The following MRPS6 variants were observed in gnomAD, a reference collection of about 807,000 sequenced individuals.
MRPS6 encodes the protein small ribosomal subunit protein bS6m.
A neutral mutation model predicts 13.1 loss-of-function variants in MRPS6; 6 were observed. The observed-to-expected ratio is 0.46, with a 90% confidence interval of 0.25 to 0.91. The LOEUF (loss-of-function observed/expected upper bound fraction) is 0.91, where lower values mean the gene tolerates loss of function less well. Among genes scored for constraint, MRPS6 ranks in the 40% least tolerant of loss-of-function variants. The pLI is 0.18. For synonymous variants in MRPS6, 61 were observed against 56.5 expected (o/e 1.08, Z -0.36); for missense variants, 164 against 155.6 (o/e 1.05, Z -0.29).
intron 1 of MRPS6, chr21:34,098,233 T>C (rs1392062187): frequency 1.0e-6 from 1 of 999,542 alleles, no homozygotes; most frequent in Non-Finnish European, 1.2e-6. Context: ...ATTACTCATA[T>C]ATTCTGCTAA....
chr21:34,134,973 T>C (rs1377468717), intron 2 of MRPS6, among the ~76,000 whole-genome samples: 1 of 152,244 alleles, frequency 6.6e-6, no homozygotes, highest in Non-Finnish European at 1.5e-5. Context: ...ATTTACGGGT[T>C]TATCGAAATG....
chr21:34,100,696 T>C, intron 1 of MRPS6: 1 of 1,000,242 alleles, frequency 1.0e-6, no homozygotes, highest in South Asian at 4.7e-5. Context: ...CTTCTGTAAC[T>C]TGAGGCTAAG....
At chr21:34,138,591 C>T (rs1348439751) in intron 2 of MRPS6, among the ~76,000 whole-genome samples, 4 of 151,906 alleles carry the variant, frequency 2.6e-5, no homozygotes, top group Non-Finnish European at 5.9e-5. Context: ...AAAAAATGCT[C>T]ACCATCACTG....
intron 1 of MRPS6, among the ~76,000 whole-genome samples, chr21:34,108,100 C>T (rs1485954115): frequency 4.6e-5 from 7 of 152,060 alleles, no homozygotes; most frequent in Admixed American, 1.3e-4. Flanking sequence ...TGTAACGTAC[C>T]GTAACACGTT....
chr21:34,098,576 T>C (rs545021856), intron 1 of MRPS6: 1 of 1,000,294 alleles, frequency 1.0e-6, no homozygotes, highest in East Asian at 1.1e-4. Flanking sequence ...AACAGAAAAC[T>C]CAGTGCATAC....
chr21:34,097,890 A>G, intron 1 of MRPS6: 1 of 997,512 alleles, frequency 1.0e-6, no homozygotes, highest in Non-Finnish European at 1.2e-6. Flanking sequence ...TTTTGTTAGC[A>G]TGAGCCTACG....
chr21:34,137,324 T>A (rs999895983), intron 2 of MRPS6, among the ~76,000 whole-genome samples: 1 of 152,212 alleles, frequency 6.6e-6, no homozygotes, highest in Non-Finnish European at 1.5e-5. Flanking sequence ...ATATACCTGA[T>A]AGATTTTGTT....
chr21:34,139,478 G>A (rs1248860465), intron 2 of MRPS6, among the ~76,000 whole-genome samples: 2 of 152,116 alleles, frequency 1.3e-5, no homozygotes, highest in African/African-American at 2.4e-5. Context: ...CACATATTTC[G>A]TTAATAAGAT....
chr21:34,124,418 T>G (rs1454249529), intron 1 of MRPS6: 7 of 152,158 alleles, frequency 4.6e-5, no homozygotes, highest in Non-Finnish European at 1.0e-4. Flanking sequence ...CATAGAGAGA[T>G]ATCTGGAAAG....
chr21:34,078,896 G>C (rs1989395082), intron 1 of MRPS6, among the ~76,000 whole-genome samples: 1 of 152,168 alleles, frequency 6.6e-6, no homozygotes, highest in African/African-American at 2.4e-5. Context: ...GAGTTTATCT[G>C]TTTTTAGTGG....
intron 1 of MRPS6, among the ~76,000 whole-genome samples, chr21:34,079,978 A>G (rs141672475): frequency 1.3e-5 from 2 of 152,178 alleles, no homozygotes; most frequent in East Asian, 3.9e-4. Context: ...GAACAAATGC[A>G]GTTCTTTCTT....
chr21:34,109,469 C>T lies in MRPS6; in HGVS notation c.46-15872C>T, dbSNP rs1214653488. 2.0e-5 allele frequency among the ~76,000 whole-genome samples: 3 copies of T among 152,170 alleles called. 1 individual carries two copies. The highest frequency in any genetic ancestry group is 6.3e-3 in the Middle Eastern group (2 of 316). ...CTGTGAGAGCCAAGTGGGGAAAGAA[C>T]ACAGGGGCCCCATCATTCACAGCCT... is the stretch of plus-strand genomic sequence containing the variant. On this transcript the variant is annotated intron_variant, in intron 1 of 2. Transcript: ENST00000399312.
Position 34,107,542 on chromosome 21 carries a change from A to G in MRPS6, c.46-17799A>G, listed in dbSNP as rs149335616. Among the ~76,000 whole-genome samples, 135 of 152,298 alleles carry G rather than the reference A, an allele frequency of 8.9e-4. 1 individual carries two copies. The highest frequency in any genetic ancestry group is 3.1e-3 in the African/African-American group (129 of 41,558). On this transcript the variant is annotated intron_variant, in intron 1 of 2. Coordinates refer to ENST00000399312, the MANE Select transcript of MRPS6 (RefSeq NM_032476.4). Reference sequence around the variant, plus strand: ...AAACCATGTAAATAACCTATTTCTCATCAAACTTGAACCCCTAGTTTTAGC... The same window carrying G: ...AAACCATGTAAATAACCTATTTCTCGTCAAACTTGAACCCCTAGTTTTAGC...
chr21:34,117,349 C>T (rs993207303), intron 1 of MRPS6, among the ~76,000 whole-genome samples: 10 of 152,130 alleles, frequency 6.6e-5, no homozygotes, highest in African/African-American at 1.7e-4. Flanking sequence ...TCCCTCCTGA[C>T]GGGGTATTCA....
At chr21:34,083,162 G>A (rs1989497551) in intron 1 of MRPS6, among the ~76,000 whole-genome samples, 1 of 152,208 alleles carries the variant, frequency 6.6e-6, no homozygotes, top group Non-Finnish European at 1.5e-5. Context: ...AAGAAACCAA[G>A]TGCAGTTATG....
chr21:34,099,578 C>T (rs575825619), intron 1 of MRPS6: 9 of 999,158 alleles, frequency 9.0e-6, no homozygotes, highest in Admixed American at 6.2e-5. Flanking sequence ...CCATATCCAG[C>T]GTAAATGAAT....
At chr21:34,083,747 A>G (rs1602909799) in intron 1 of MRPS6, among the ~76,000 whole-genome samples, 2 of 152,244 alleles carry the variant, frequency 1.3e-5, no homozygotes, top group African/African-American at 4.8e-5. Flanking sequence ...TCTCATGGGA[A>G]TGCCATTCTC....
chr21:34,128,518 T>C (rs900287546), intron 2 of MRPS6, among the ~76,000 whole-genome samples: 1 of 152,204 alleles, frequency 6.6e-6, no homozygotes, highest in Non-Finnish European at 1.5e-5. Context: ...ATGTTTATTA[T>C]TATATCAAGA....
intron 1 of MRPS6, chr21:34,101,344 G>GTTAA (rs1359529967): frequency 2.0e-6 from 2 of 1,000,012 alleles, no homozygotes; most frequent in Non-Finnish European, 2.4e-6. Flanking sequence ...CTGGTTTGAT[G>GTTAA]TTAAGCATTA....
Sources: allele counts gnomAD v4.1 joint callset (sites outside exome capture counted in the v4.1 genomes callset), GRCh38; gene constraint gnomAD v4.1.1; transcripts MANE v1.5; gene names NCBI Gene and HGNC (gene_info 2026-07-23, HGNC 2026-07-21).